TCF12: variants seen among roughly 807,000 people sequenced by gnomAD.
The protein encoded by TCF12 is DNA-binding protein HTF4.
TCF12 carries 45 observed loss-of-function variants against 86.0 expected under a neutral mutation model. The observed-to-expected ratio is 0.52, with a 90% CI of 0.41 to 0.67. The LOEUF (loss-of-function observed/expected upper bound fraction) is 0.67. Ranked by LOEUF, TCF12 falls within the 30% of genes least tolerant of loss-of-function variation. The pLI, the probability that TCF12 is intolerant of heterozygous loss-of-function variation, is 0.00. For synonymous variants in TCF12, 330 were observed against 299.6 expected, an observed-to-expected ratio of 1.10 and a Z score of -1.05; for missense variants, 881 against 859.9, an observed-to-expected ratio of 1.02 and a Z score of -0.31.
chr15:57,278,221 A>G (rs1296215580), intron 19 of TCF12, among the ~76,000 whole-genome samples: 4 of 152,158 alleles, frequency 2.6e-5, no homozygotes, highest in Non-Finnish European at 5.9e-5. Context: ...GAATCCAGGA[A>G]ACAAAGGATT....
Position 56,958,661 on chromosome 15 carries a change from AAG to A in TCF12, c.148+37580_148+37581del, listed in dbSNP as rs768375451. ...ATATACAGTTTGCCTGTATATGAGA[AAG>A]AGAGAGAGAGAGAGAGTGTGTGTGT... On this transcript the variant is annotated intron_variant, in intron 3 of 20. Transcript: ENST00000333725. Among the ~76,000 whole-genome samples, 1,003 of 119,010 alleles carry A rather than the reference AAG, an allele frequency of 8.4e-3. 5 individuals carry two copies. The highest frequency in any genetic ancestry group is 0.017 in the Admixed American group (197 of 11,476). The allele number at this position is 119,010 out of a possible 152,430, so 78.1% of individuals were successfully genotyped here.
At position 56,967,090 on chromosome 15, in the gene TCF12, C is replaced by G. The variant is rs569586164; in HGVS notation, c.148+45992C>G. ...TGAGTCGAGATCGTGCCACTGCACT[C>G]CAGCCTGGGCAACAGAGCGAGACTC... is the stretch of plus-strand genomic sequence containing the variant. On this transcript the variant is annotated intron_variant, in intron 3 of 20. Transcript: ENST00000333725. Among the ~76,000 whole-genome samples the G allele has an allele frequency of 5.9e-5, 9 of 152,196 alleles. No individual in the cohort carries two copies. The South Asian group carries it at 1.9e-3, about 32-fold the overall frequency.
At chr15:57,219,723 T>TC (rs1179865124) in intron 8 of TCF12, 8 of 493,876 alleles carry the variant, frequency 1.6e-5, no homozygotes, top group East Asian at 5.2e-5. Flanking sequence ...TAGATTTCTT[T>TC]TTTTTTTTTT....
chr15:57,000,282 C>G lies in TCF12; in HGVS notation c.149-63468C>G, dbSNP rs528025992. Among the ~76,000 whole-genome samples, 125 of 152,176 alleles carry G rather than the reference C, an allele frequency of 8.2e-4. No homozygotes were observed. The Middle Eastern group carries it at 0.02, about 25-fold the overall frequency. On this transcript the variant is annotated intron_variant, in intron 3 of 20. Coordinates refer to ENST00000333725, the MANE Select transcript of TCF12 (RefSeq NM_207037.2). The stretch of plus-strand genomic sequence containing the variant: ...CTCCGTCTCCTGGGCTGAAGCGATC[C>G]TCTCGCCTTGGCTTCCCAAAGTGGT...
intron 3 of TCF12, among the ~76,000 whole-genome samples, chr15:57,007,062 T>C (rs555268682): frequency 6.6e-6 from 1 of 152,222 alleles, no homozygotes; most frequent in East Asian, 1.9e-4. Context: ...GTAAGGTTAA[T>C]GAAATGTTTT....
intron 3 of TCF12, among the ~76,000 whole-genome samples, chr15:56,996,326 C>G (rs550866272): frequency 6.6e-6 from 1 of 152,050 alleles, no homozygotes; most frequent in East Asian, 1.9e-4. Context: ...AATAGAGAAC[C>G]CAAAAGTAAA....
chr15:57,170,671 A>AT (rs1409745148), intron 6 of TCF12, among the ~76,000 whole-genome samples: 2 of 11,316 alleles, frequency 1.8e-4, no homozygotes, highest in African/African-American at 8.1e-4. Flanking sequence ...ATATATATAT[A>AT]TATAATATAT....
At chr15:56,920,940 C>T (rs1402700759) in intron 2 of TCF12, 86 bp from the exon 3 acceptor site, 4 of 1,011,466 alleles carry the variant, frequency 4.0e-6, no homozygotes, top group Admixed American at 2.9e-5. Context: ...AATTTAATAA[C>T]TGATGGATGA....
At chr15:56,998,974 G>A (rs1178839457) in intron 3 of TCF12, among the ~76,000 whole-genome samples, 9 of 152,110 alleles carry the variant, frequency 5.9e-5, no homozygotes, top group Admixed American at 3.3e-4. Context: ...CGAGACGGGC[G>A]GATCATGAGG....
At chr15:57,106,183 A>G (rs1596553942) in intron 5 of TCF12, among the ~76,000 whole-genome samples, 2 of 152,234 alleles carry the variant, frequency 1.3e-5, no homozygotes, top group African/African-American at 4.8e-5. Context: ...TCTAAATGCA[A>G]TGTGGTATCT....
intron 6 of TCF12, among the ~76,000 whole-genome samples, chr15:57,175,405 A>G (rs1254322646): frequency 3.3e-5 from 5 of 152,174 alleles, no homozygotes; most frequent in African/African-American, 7.2e-5. Context: ...TAAGGCTTCT[A>G]CAGTTTTTCT....
intron 6 of TCF12, among the ~76,000 whole-genome samples, chr15:57,169,690 G>C (rs1478874176): frequency 7.9e-6 from 1 of 126,310 alleles, no homozygotes; most frequent in Non-Finnish European, 1.5e-5. Flanking sequence ...CTAAACTTGA[G>C]GGGGGAGAAA....
chr15:57,094,818 T>C (rs1214647071), intron 5 of TCF12, among the ~76,000 whole-genome samples: 1 of 152,184 alleles, frequency 6.6e-6, no homozygotes, highest in Admixed American at 6.5e-5. Context: ...GGGAATGTTG[T>C]TATTTTGAGT....
intron 5 of TCF12, among the ~76,000 whole-genome samples, chr15:57,106,265 T>G (rs1043692430): frequency 2.6e-5 from 4 of 152,252 alleles, no homozygotes; most frequent in African/African-American, 4.8e-5. Context: ...GTCTTGAGTT[T>G]AGTTGATAGT....
intron 3 of TCF12, among the ~76,000 whole-genome samples, chr15:57,050,138 A>G (rs1033344255): frequency 9.8e-5 from 15 of 152,332 alleles, no homozygotes; most frequent in African/African-American, 3.6e-4. Flanking sequence ...TGTCATACAA[A>G]TGTTGCAAGG....
chr15:56,927,801 A>G (rs1338201911), intron 3 of TCF12, among the ~76,000 whole-genome samples: 1 of 152,170 alleles, frequency 6.6e-6, no homozygotes, highest in African/African-American at 2.4e-5. Context: ...CAGGCCAGGG[A>G]TTGATGTTAA....
intron 3 of TCF12, among the ~76,000 whole-genome samples, chr15:57,009,922 GT>G (rs1231735099): frequency 1.2e-4 from 19 of 152,146 alleles, no homozygotes; most frequent in Admixed American, 5.2e-4. Context: ...ATGAAATAAG[GT>G]ATTTGGATTT....
chr15:56,931,217 T>G (rs1472092631), intron 3 of TCF12, among the ~76,000 whole-genome samples: 1 of 152,160 alleles, frequency 6.6e-6, no homozygotes, highest in Non-Finnish European at 1.5e-5. Flanking sequence ...CTTCTTGGAA[T>G]ATAAGCTTTT....
At chr15:56,985,304 A>G (rs570037663) in intron 3 of TCF12, among the ~76,000 whole-genome samples, 46 of 152,334 alleles carry the variant, frequency 3.0e-4, no homozygotes, top group South Asian at 8.3e-4. Context: ...AGTACAAAGA[A>G]TGAGGCAATT....
Sources: gnomAD v4.1 joint callset for allele counts (sites outside exome capture counted in the v4.1 genomes callset) on GRCh38, gnomAD v4.1.1 for gene constraint, MANE v1.5 for transcripts, NCBI Gene and HGNC (gene_info 2026-07-23, HGNC 2026-07-21) for gene names.